The following PTPRT variants were observed in gnomAD, a reference collection of about 807,000 sequenced individuals.
PTPRT encodes the protein receptor-type tyrosine-protein phosphatase T.
Under a neutral mutation model 176.8 loss-of-function variants are expected in PTPRT, and 56 were observed. That is an observed-to-expected ratio of 0.32 (90% CI 0.26 to 0.40). The LOEUF (loss-of-function observed/expected upper bound fraction) is 0.40, where lower values mean the gene tolerates loss of function less well. PTPRT is among the 10% of genes least tolerant of loss of function. The pLI is 1.00. For synonymous variants in PTPRT, 783 were observed against 739.0 expected (o/e 1.06, Z -0.96); for missense variants, 1,540 against 1,908.2 (o/e 0.81, Z 3.60).
At chr20:42,369,074 CTCCTTCCCTCCTTCCT>C (rs796800724) in intron 9 of PTPRT, among the ~76,000 whole-genome samples, 16 of 149,920 alleles carry the variant, frequency 1.1e-4, no homozygotes, top group East Asian at 3.9e-4. Flanking sequence ...CCTTCTTTCT[CTCCTTCCCTCCTTCCT>C]TCCTTCCCTC....
intron 22 of PTPRT, 34 bp downstream of exon 22, chr20:42,115,165 T>C (rs571967162): frequency 1.3e-6 from 2 of 1,500,234 alleles, no homozygotes; most frequent in South Asian, 1.1e-5. Flanking sequence ...GCTCTCATGG[T>C]GGACCGGCTG....
chr20:42,278,732 T>G (rs927406566), intron 13 of PTPRT, among the ~76,000 whole-genome samples: 3 of 152,124 alleles, frequency 2.0e-5, no homozygotes, highest in Non-Finnish European at 2.9e-5. Context: ...CCTGGGTACC[T>G]CCTTTAGCAG....
intron 7 of PTPRT, among the ~76,000 whole-genome samples, chr20:42,497,362 T>G (rs1485824349): frequency 6.6e-6 from 1 of 151,936 alleles, no homozygotes; most frequent in Non-Finnish European, 1.5e-5. Flanking sequence ...GTAGATATCC[T>G]TTCTCCTCAA....
intron 2 of PTPRT, among the ~76,000 whole-genome samples, chr20:42,863,294 G>A (rs1329106956): frequency 2.6e-5 from 4 of 151,646 alleles, no homozygotes; most frequent in South Asian, 2.1e-4. Flanking sequence ...CTGTGACCAC[G>A]AAGGACACCT....
At chr20:42,490,514 G>T (rs921247707) in intron 7 of PTPRT, among the ~76,000 whole-genome samples, 18 of 151,966 alleles carry the variant, frequency 1.2e-4, no homozygotes, top group Non-Finnish European at 1.5e-5. Context: ...GTTCATTATT[G>T]CTGGTGTACA....
chr20:42,304,796 G>A (rs1385035224), intron 12 of PTPRT, among the ~76,000 whole-genome samples: 1 of 152,198 alleles, frequency 6.6e-6, no homozygotes, highest in African/African-American at 2.4e-5. Flanking sequence ...AAAATGTTCT[G>A]ATGACATTGA....
chr20:42,897,237 A>C (rs2079318146), intron 1 of PTPRT, among the ~76,000 whole-genome samples: 1 of 152,190 alleles, frequency 6.6e-6, no homozygotes, highest in African/African-American at 2.4e-5. Flanking sequence ...ATTTATTATA[A>C]ATAAGATGAT....
chr20:42,346,043 T>C (rs1336479417), intron 11 of PTPRT, among the ~76,000 whole-genome samples: 2 of 152,048 alleles, frequency 1.3e-5, no homozygotes, highest in African/African-American at 4.8e-5. Flanking sequence ...GATTGAAGGA[T>C]GAGAAGCTGC....
At chr20:42,730,787 A>T (rs797016560) in intron 6 of PTPRT, among the ~76,000 whole-genome samples, 18 of 152,264 alleles carry the variant, frequency 1.2e-4, no homozygotes, top group African/African-American at 3.6e-4. Context: ...GTTTGAGAAT[A>T]AAAAAGTCTG....
intron 9 of PTPRT, among the ~76,000 whole-genome samples, chr20:42,411,065 G>C (rs1458724483): frequency 6.6e-6 from 1 of 152,054 alleles, no homozygotes; most frequent in Non-Finnish European, 1.5e-5. Context: ...CAGAAAGAAG[G>C]AAATACTAAA....
intron 6 of PTPRT, among the ~76,000 whole-genome samples, chr20:42,726,271 G>T (rs531728740): frequency 3.3e-5 from 5 of 152,138 alleles, no homozygotes; most frequent in African/African-American, 9.6e-5. Flanking sequence ...TAGAGATGGG[G>T]TTTCACCATG....
intron 1 of PTPRT, among the ~76,000 whole-genome samples, chr20:43,183,208 C>T (rs2015310064): frequency 6.6e-6 from 1 of 152,186 alleles, no homozygotes; most frequent in African/African-American, 2.4e-5. Context: ...GTCTAAAGAG[C>T]CTTTCAAAGA....
At chr20:42,420,282 T>A (rs1414074435) in intron 9 of PTPRT, among the ~76,000 whole-genome samples, 1 of 152,186 alleles carries the variant, frequency 6.6e-6, no homozygotes, top group Non-Finnish European at 1.5e-5. Flanking sequence ...GACTGTCCAA[T>A]GCCTATAATC....
At chr20:42,799,803 A>G (rs1379835511) in intron 2 of PTPRT, among the ~76,000 whole-genome samples, 1 of 152,214 alleles carries the variant, frequency 6.6e-6, no homozygotes, top group Non-Finnish European at 1.5e-5. Context: ...CAAAACAGGT[A>G]TATATACAGG....
intron 9 of PTPRT, among the ~76,000 whole-genome samples, chr20:42,362,496 A>G (rs2058444175): frequency 6.6e-6 from 1 of 152,168 alleles, no homozygotes; most frequent in Non-Finnish European, 1.5e-5. Flanking sequence ...TATTAAAAAA[A>G]TAATAAAGAC....
chr20:42,274,585 G>A (rs2056996541), intron 13 of PTPRT, among the ~76,000 whole-genome samples: 1 of 149,274 alleles, frequency 6.7e-6, no homozygotes, highest in African/African-American at 2.5e-5. Context: ...GTGTGTGTGT[G>A]TGTGTGTTAG....
At chr20:42,473,399 T>C (rs1183064046) in intron 7 of PTPRT, among the ~76,000 whole-genome samples, 3 of 152,198 alleles carry the variant, frequency 2.0e-5, no homozygotes, top group Non-Finnish European at 4.4e-5. Context: ...CAGGTTATAA[T>C]AAACATGATG....
At chr20:42,875,383 G>A (rs1291403742) in intron 2 of PTPRT, among the ~76,000 whole-genome samples, 1 of 152,188 alleles carries the variant, frequency 6.6e-6, no homozygotes, top group Non-Finnish European at 1.5e-5. Flanking sequence ...TGTGATCCCT[G>A]TAAACATCCC....
At chr20:42,782,924 T>C (rs768263486) in intron 3 of PTPRT, among the ~76,000 whole-genome samples, 1 of 152,342 alleles carries the variant, frequency 6.6e-6, no homozygotes, top group Middle Eastern at 3.4e-3. Context: ...CTTTAATCTA[T>C]GTCTTAGACT....
Sources: allele counts gnomAD v4.1 joint callset (sites outside exome capture counted in the v4.1 genomes callset), GRCh38; gene constraint gnomAD v4.1.1; transcripts MANE v1.5; gene names NCBI Gene and HGNC (gene_info 2026-07-23, HGNC 2026-07-21).